SPRR1B: variants seen among roughly 807,000 people sequenced by gnomAD.
SPRR1B encodes small proline rich protein 1B, also known as cornifin-B.
Under a neutral mutation model 1.2 loss-of-function variants are expected in SPRR1B, and 1 was observed. That is an observed-to-expected ratio of 0.82 (90% confidence interval 0.29 to 3.89). The LOEUF (loss-of-function observed/expected upper bound fraction) is 3.89. Among genes scored for constraint, SPRR1B ranks in the 30% most tolerant of loss-of-function variants. The pLI, the probability that SPRR1B is intolerant of heterozygous loss-of-function variation, is 0.18. For synonymous variants in SPRR1B, 37 were observed against 38.3 expected (o/e 0.97, Z 0.13); for missense variants, 102 against 106.0 (o/e 0.96, Z 0.17).
chr1:153,031,945 G>T (rs1653719780), intron 1 of SPRR1B, among the ~76,000 whole-genome samples: 1 of 152,164 alleles, frequency 6.6e-6, no homozygotes, highest in African/African-American at 2.4e-5. Flanking sequence ...ATTGCTTGGG[G>T]TTCTAGAGAG....
chr1:153,032,713 C>T lies in SPRR1B; in HGVS notation c.*98C>T. The T allele has an allele frequency of 1.3e-6, 2 of 1,517,572 alleles. No homozygotes were observed. The highest frequency in any genetic ancestry group is 1.3e-5 in the South Asian group (1 of 75,438). 94.0% of individuals were successfully genotyped at this position (1,517,572 alleles called of 1,614,324 possible). ...TCCCATTTGCCTTGCAATTAGCATTCTGTCTCCCCCAAAAAAGAATGTGCT... is the reference window on the plus strand; with the variant it reads ...TCCCATTTGCCTTGCAATTAGCATTTTGTCTCCCCCAAAAAAGAATGTGCT... On this transcript the variant is annotated 3_prime_UTR_variant, in exon 2 of 2. Transcript: ENST00000307098.
intron 1 of SPRR1B, among the ~76,000 whole-genome samples, chr1:153,032,032 T>A (rs529095184): frequency 6.6e-6 from 1 of 152,236 alleles, no homozygotes; most frequent in East Asian, 1.9e-4. Context: ...TTAGGGTTTT[T>A]TTTTTCCAAA....
Position 153,032,400 on chromosome 1 carries a change from C to T in SPRR1B, c.55C>T (p.Gln19Ter), listed in dbSNP as rs147252866. 7.4e-6 allele frequency: 12 copies of T among 1,613,880 alleles called. No individual in the cohort carries two copies. Among genetic ancestry groups the T allele is most frequent in the South Asian group, 1.1e-5 (1 of 91,066 alleles). Reference sequence around the variant, plus strand: ...CACCCCACCCCCTCAGCTTCAGCAGCAGCAGGTGAAACAGCCTTGCCAGCC... The same window carrying T: ...CACCCCACCCCCTCAGCTTCAGCAGTAGCAGGTGAAACAGCCTTGCCAGCC... The part of the protein sequence containing the change: ...PCTPPPQLQQ[Q>*]QVKQPCQPPP... The change falls in exon 2 of 2, where the codon CAG (glutamine) becomes TAG (stop). Residue 19 changes from glutamine (Q) to a stop codon, truncating the protein, a stop_gained. Transcript: ENST00000307098. LOFTEE classifies it low-confidence loss of function (END_TRUNC).
intron 1 of SPRR1B, 129 bp downstream of exon 1, chr1:153,031,376 A>G (rs912570229): frequency 1.3e-5 from 2 of 152,206 alleles, no homozygotes; most frequent in African/African-American, 4.8e-5. Flanking sequence ...AGACTGTTCA[A>G]CTGAATTATA....
chr1:153,032,383 C>A lies in SPRR1B; in HGVS notation c.38C>A (p.Pro13His), dbSNP rs138504355. Reference sequence around the variant, plus strand: ...CAGCAGAAGCAGCCTTGCACCCCACCCCCTCAGCTTCAGCAGCAGCAGGTG... The same window carrying A: ...CAGCAGAAGCAGCCTTGCACCCCACACCCTCAGCTTCAGCAGCAGCAGGTG... The part of the protein sequence containing the change: ...SQQQKQPCTP[P>H]PQLQQQQVKQ... The change falls in exon 2 of 2, where the codon CCC becomes CAC. Residue 13 changes from proline (P) to histidine (H), a missense_variant. Transcript: ENST00000307098. The A allele has an allele frequency of 1.9e-6, 3 of 1,613,858 alleles. No individual in the cohort carries two copies. Among genetic ancestry groups the A allele is most frequent in the Non-Finnish European group, 2.5e-6 (3 of 1,179,918 alleles).
chr1:153,032,408 G>A lies in SPRR1B; in HGVS notation c.63G>A (p.Val21=), dbSNP rs750815025. ...CCCCTCAGCTTCAGCAGCAGCAGGTGAAACAGCCTTGCCAGCCTCCACCTC... is the reference window on the plus strand; with the variant it reads ...CCCCTCAGCTTCAGCAGCAGCAGGTAAAACAGCCTTGCCAGCCTCCACCTC... ...TPPPQLQQQQ[V]KQPCQPPPQE... The change falls in exon 2 of 2, where the codon GTG becomes GTA. Residue 21 remains valine (V), a synonymous_variant. Transcript: ENST00000307098. 18 of 1,613,934 alleles carry A rather than the reference G, an allele frequency of 1.1e-5. No homozygotes were observed. Among genetic ancestry groups the A allele is most frequent in the Admixed American group, 1.7e-5 (1 of 59,996 alleles).
chr1:153,032,288 C>T, intron 1 of SPRR1B, 39 bp from the exon 2 acceptor site: 1 of 1,567,176 alleles, frequency 6.4e-7, no homozygotes, highest in East Asian at 2.3e-5. Context: ...TGGCTTCTTC[C>T]CTATTATTCT....
At position 153,032,613 on chromosome 1, in the gene SPRR1B, T is replaced by A; in HGVS notation, c.268T>A (p.Ter90LysextTer8). 6.2e-7 allele frequency: 1 copy of A among 1,613,420 alleles called. No individual in the cohort carries two copies. The change falls in exon 2 of 2, where the codon TAA becomes AAA. Residue 90 changes from the stop codon to lysine, a stop_lost. Coordinates refer to ENST00000307098, the MANE Select transcript of SPRR1B (RefSeq NM_003125.3). Reference protein sequence around the residue: ...APAQQKTKQK* With the variant: ...APAQQKTKQKK Reference sequence around the variant, plus strand: ...AGCCCAGCAGAAGACCAAGCAGAAGTAATGTGGTCCACAGCCATGCCCTTG... The same window carrying A: ...AGCCCAGCAGAAGACCAAGCAGAAGAAATGTGGTCCACAGCCATGCCCTTG...
chr1:153,032,324 C>A lies in SPRR1B; in HGVS notation c.-19-3C>A, dbSNP rs752280386. On this transcript the variant is annotated splice_polypyrimidine_tract_variant and splice_region_variant and intron_variant, in intron 1 of 1. Transcript: ENST00000307098. ...CTGCTTAAATCATCTGTTCTGTGTC[C>A]AGGACCAGTCACTGTTGCAGCATGA... The A allele has an allele frequency of 2.5e-6, 4 of 1,610,776 alleles. 1 individual carries two copies. The highest frequency in any genetic ancestry group is 3.4e-6 in the Non-Finnish European group (4 of 1,178,378).
intron 1 of SPRR1B, among the ~76,000 whole-genome samples, chr1:153,032,088 T>G (rs1444187285): frequency 1.3e-5 from 2 of 152,166 alleles, no homozygotes; most frequent in Non-Finnish European, 2.9e-5. Context: ...CTCATATTCC[T>G]GCTAGAAGCC....
intron 1 of SPRR1B, 107 bp from the exon 2 acceptor site, chr1:153,032,220 T>C: frequency 7.5e-7 from 1 of 1,330,402 alleles, no homozygotes; most frequent in Non-Finnish European, 1.0e-6. Context: ...AAGTATTCTT[T>C]GTGGTCAAGA....
intron 1 of SPRR1B, 38 bp downstream of exon 1, chr1:153,031,285 T>C (rs1653699812): frequency 6.6e-6 from 1 of 151,760 alleles, no homozygotes; most frequent in Non-Finnish European, 1.5e-5. Flanking sequence ...GCATCCATTC[T>C]AGGTATTTAA....
In SPRR1B at chr1:153,032,292, T is replaced by C. The variant is rs773158702; in HGVS notation, c.-19-35T>C. 197 of 1,579,508 alleles carry C rather than the reference T, an allele frequency of 1.2e-4. 1 individual carries two copies. Among genetic ancestry groups the C allele is most frequent in the South Asian group, 1.5e-4 (13 of 84,750 alleles). ...GGTATTCACCATGGCTTCTTCCCTA[T>C]TATTCTCTGCTTAAATCATCTGTTC... On this transcript the variant is annotated intron_variant, in intron 1 of 1. Transcript: ENST00000307098.
intron 1 of SPRR1B, 93 bp from the exon 2 acceptor site, chr1:153,032,234 G>T (rs1653728434): frequency 7.1e-7 from 1 of 1,411,178 alleles, no homozygotes; most frequent in Admixed American, 2.3e-5. Context: ...GTCAAGAAGG[G>T]GAAAGAACAT....
Position 153,032,444 on chromosome 1 carries a change from C to A in SPRR1B, c.99C>A (p.Cys33Ter), listed in dbSNP as rs1441887294. ...GCCAGCCTCCACCTCAGGAACCATG[C>A]ATCCCCAAAACCAAGGAGCCCTGCC... ...QPCQPPPQEP[C>*]IPKTKEPCHP... Residue 33 changes from cysteine to a stop codon, truncating the protein, a stop_gained, in exon 2 of 2, where the codon TGC becomes TGA. Transcript: ENST00000307098. LOFTEE classifies it low-confidence loss of function (END_TRUNC). 1 of 1,613,972 alleles carries A rather than the reference C, an allele frequency of 6.2e-7. No homozygotes were observed. Among genetic ancestry groups the A allele is most frequent in the East Asian group, 2.2e-5 (1 of 44,834 alleles).
chr1:153,031,796 G>T (rs937659650), intron 1 of SPRR1B, among the ~76,000 whole-genome samples: 73 of 152,192 alleles, frequency 4.8e-4, no homozygotes, highest in African/African-American at 1.5e-3. Flanking sequence ...GGAATAGAGA[G>T]ATTTCTGGAA....
At chr1:153,032,299 CT>C in intron 1 of SPRR1B, 27 bp from the exon 2 acceptor site, 1 of 1,587,134 alleles carries the variant, frequency 6.3e-7, no homozygotes, top group East Asian at 2.2e-5. Flanking sequence ...CTATTATTCT[CT>C]GCTTAAATCA....
intron 1 of SPRR1B, among the ~76,000 whole-genome samples, chr1:153,031,941 T>C (rs1236280130): frequency 6.6e-6 from 1 of 152,166 alleles, no homozygotes; most frequent in Non-Finnish European, 1.5e-5. Context: ...TGGGATTGCT[T>C]GGGGTTCTAG....
chr1:153,032,225 T>C (rs1653728179), intron 1 of SPRR1B, 102 bp from the exon 2 acceptor site: 3 of 1,368,930 alleles, frequency 2.2e-6, no homozygotes, highest in African/African-American at 2.9e-5. Flanking sequence ...TTCTTTGTGG[T>C]CAAGAAGGGG....
Sources: gnomAD v4.1 joint callset for allele counts (sites outside exome capture counted in the v4.1 genomes callset) on GRCh38, gnomAD v4.1.1 for gene constraint, MANE v1.5 for transcripts, NCBI Gene and HGNC (gene_info 2026-07-23, HGNC 2026-07-21) for gene names.